FAR2: variants seen among roughly 807,000 people sequenced by gnomAD.
FAR2 encodes the protein epididymis secretory protein Li 81.
FAR2 carries 19 observed loss-of-function variants against 56.0 expected under a neutral mutation model. The observed-to-expected ratio is 0.34, with a 90% CI of 0.24 to 0.50. FAR2 has a LOEUF of 0.50. Among genes scored for constraint, FAR2 ranks in the 20% least tolerant of loss-of-function variants. The probability of loss-of-function intolerance (pLI) is 0.98; values close to 1 mark genes in which losing one functional copy is unlikely to be tolerated. For missense variants in FAR2, 508 were observed against 642.2 expected, an observed-to-expected ratio of 0.79 and a Z score of 2.26; for synonymous variants, 219 against 218.8, an observed-to-expected ratio of 1.00 and a Z score of -0.01.
At chr12:29,193,540 C>T (rs185817258) in intron 1 of FAR2, among the ~76,000 whole-genome samples, 27 of 152,282 alleles carry the variant, frequency 1.8e-4, no homozygotes, top group African/African-American at 6.3e-4. Flanking sequence ...CAGTAATATG[C>T]TTTTAAGTTT....
chr12:29,186,914 A>G (rs912256985), intron 1 of FAR2, among the ~76,000 whole-genome samples: 17 of 152,038 alleles, frequency 1.1e-4, no homozygotes, highest in African/African-American at 3.9e-4. Context: ...TCAGCCTTCC[A>G]AGTAGCTGGG....
At chr12:29,256,072 A>AT (rs1237022991) in intron 1 of FAR2, among the ~76,000 whole-genome samples, 2 of 152,036 alleles carry the variant, frequency 1.3e-5, no homozygotes, top group African/African-American at 2.4e-5. Flanking sequence ...GGGTTTCATC[A>AT]TGTTAGCCAG....
At chr12:29,199,549 G>A (rs983753424) in intron 1 of FAR2, among the ~76,000 whole-genome samples, 54 of 148,290 alleles carry the variant, frequency 3.6e-4, no homozygotes, top group Admixed American at 4.8e-4. Context: ...GCAGTGAGCC[G>A]AGATCGCTCC....
chr12:29,285,404 G>A (rs1948857386), intron 2 of FAR2, among the ~76,000 whole-genome samples: 1 of 152,028 alleles, frequency 6.6e-6, no homozygotes, highest in Non-Finnish European at 1.5e-5. Flanking sequence ...CCCCTCCAAA[G>A]GACTAAGAAA....
intron 1 of FAR2, among the ~76,000 whole-genome samples, chr12:29,204,296 C>T (rs921680623): frequency 5.3e-5 from 8 of 151,958 alleles, no homozygotes; most frequent in East Asian, 1.9e-4. Flanking sequence ...AGTGAAGACA[C>T]GGCCCCTGTC....
At chr12:29,314,542 C>T (rs1272356675) in intron 8 of FAR2, among the ~76,000 whole-genome samples, 2 of 150,934 alleles carry the variant, frequency 1.3e-5, no homozygotes, top group Non-Finnish European at 2.9e-5. Context: ...GAACGGTGAA[C>T]ATTTCAGTAA....
intron 1 of FAR2, among the ~76,000 whole-genome samples, chr12:29,242,410 C>T (rs1466830149): frequency 6.6e-6 from 1 of 152,144 alleles, no homozygotes; most frequent in Admixed American, 6.5e-5. Flanking sequence ...ACATAAACGC[C>T]CACACTTACT....
chr12:29,323,729 CA>C (rs1350659773), intron 10 of FAR2, among the ~76,000 whole-genome samples: 90 of 152,258 alleles, frequency 5.9e-4, no homozygotes, highest in African/African-American at 2.2e-3. Context: ...AGGACATCCA[CA>C]CCAAAAACCC....
chr12:29,262,489 G>T (rs908469474), intron 1 of FAR2, among the ~76,000 whole-genome samples: 16 of 152,064 alleles, frequency 1.1e-4, no homozygotes, highest in Admixed American at 5.9e-4. Flanking sequence ...AATTAGTCAG[G>T]CATGGTGGCG....
At chr12:29,205,873 C>G (rs1263741350) in intron 1 of FAR2, among the ~76,000 whole-genome samples, 2 of 149,882 alleles carry the variant, frequency 1.3e-5, no homozygotes, top group Admixed American at 1.3e-4. Flanking sequence ...TTTTATTTTT[C>G]TGGATTGTGG....
intron 4 of FAR2, among the ~76,000 whole-genome samples, chr12:29,303,714 T>A (rs987036479): frequency 2.0e-5 from 3 of 152,236 alleles, no homozygotes; most frequent in African/African-American, 7.2e-5. Flanking sequence ...AAAGCTGACC[T>A]CTTCTAGGGG....
At chr12:29,248,233 A>T (rs1398422969) in intron 1 of FAR2, among the ~76,000 whole-genome samples, 4 of 152,162 alleles carry the variant, frequency 2.6e-5, no homozygotes, top group Admixed American at 2.6e-4. Flanking sequence ...TTTTATTATT[A>T]TTACTTTTAA....
At chr12:29,224,643 G>C (rs561145954) in intron 1 of FAR2, among the ~76,000 whole-genome samples, 8 of 152,208 alleles carry the variant, frequency 5.3e-5, no homozygotes, top group African/African-American at 1.9e-4. Flanking sequence ...GGGTATGGGC[G>C]AACTGGAACA....
intron 9 of FAR2, among the ~76,000 whole-genome samples, chr12:29,320,308 TCCAA>T (rs1417577063): frequency 6.6e-6 from 1 of 152,236 alleles, no homozygotes; most frequent in Non-Finnish European, 1.5e-5. Flanking sequence ...TGATATCATG[TCCAA>T]CCGTTATTTT....
intron 1 of FAR2, among the ~76,000 whole-genome samples, chr12:29,204,708 G>A (rs1396741538): frequency 1.3e-5 from 2 of 152,182 alleles, no homozygotes; most frequent in Non-Finnish European, 2.9e-5. Context: ...AAAGGCCTTA[G>A]GTAACAATCA....
At chr12:29,332,198 C>T (rs1175039101) in intron 10 of FAR2, among the ~76,000 whole-genome samples, 1 of 152,100 alleles carries the variant, frequency 6.6e-6, no homozygotes, top group Non-Finnish European at 1.5e-5. Flanking sequence ...AAAGGGATAA[C>T]ACCAAAATTT....
intron 1 of FAR2, among the ~76,000 whole-genome samples, chr12:29,163,749 G>C (rs1024660508): frequency 3.9e-5 from 6 of 152,238 alleles, no homozygotes; most frequent in African/African-American, 1.4e-4. Flanking sequence ...GAGACTGGGA[G>C]ACAGATTCGT....
At chr12:29,261,866 A>C (rs2136693890) in intron 1 of FAR2, among the ~76,000 whole-genome samples, 1 of 152,252 alleles carries the variant, frequency 6.6e-6, no homozygotes, top group East Asian at 1.9e-4. Context: ...TTCCCAGACA[A>C]ACAAAAGCTG....
chr12:29,186,802 A>T (rs2136602935), intron 1 of FAR2, among the ~76,000 whole-genome samples: 1 of 140,826 alleles, frequency 7.1e-6, no homozygotes, highest in South Asian at 2.2e-4. Flanking sequence ...TTATTTATTT[A>T]TTTTGAGACG....
Sources: gnomAD v4.1 joint callset for allele counts (sites outside exome capture counted in the v4.1 genomes callset) on GRCh38, gnomAD v4.1.1 for gene constraint, MANE v1.5 for transcripts, NCBI Gene and HGNC (gene_info 2026-07-23, HGNC 2026-07-21) for gene names.